Variants in THSD7B observed in about 807,000 individuals in gnomAD.
THSD7B encodes thrombospondin type-1 domain-containing protein 7B.
A neutral mutation model predicts 213.6 loss-of-function variants in THSD7B; 138 were observed. The ratio of observed to expected loss-of-function variants is 0.65; its 90% CI spans 0.56 to 0.74. The LOEUF is 0.74. Ranked by LOEUF, THSD7B falls within the 30% of genes least tolerant of loss-of-function variation. The pLI, the probability that THSD7B is intolerant of heterozygous loss-of-function variation, is 0.00. For synonymous variants in THSD7B, 742 were observed against 687.0 expected, an observed-to-expected ratio of 1.08 and a Z score of -1.25; for missense variants, 1,931 against 1,991.5, an observed-to-expected ratio of 0.97 and a Z score of 0.58.
chr2:137,110,038 C>A (rs1175908587), intron 4 of THSD7B, among the ~76,000 whole-genome samples: 1 of 152,108 alleles, frequency 6.6e-6, no homozygotes, highest in Non-Finnish European at 1.5e-5. Context: ...CACCACTTGC[C>A]CAACATCCTT....
intron 12 of THSD7B, among the ~76,000 whole-genome samples, chr2:137,287,882 C>T (rs1683222374): frequency 6.6e-6 from 1 of 151,966 alleles, no homozygotes; most frequent in Non-Finnish European, 1.5e-5. Context: ...AACTATCTTC[C>T]CTTCAGGAAT....
intron 2 of THSD7B, among the ~76,000 whole-genome samples, chr2:136,883,120 A>T (rs1683652952): frequency 6.6e-6 from 1 of 152,084 alleles, no homozygotes; most frequent in Admixed American, 6.6e-5. Flanking sequence ...CCATTCTTTC[A>T]AATACTGATA....
intron 12 of THSD7B, among the ~76,000 whole-genome samples, chr2:137,390,441 T>A (rs1001609713): frequency 1.3e-5 from 2 of 152,178 alleles, no homozygotes; most frequent in African/African-American, 4.8e-5. Flanking sequence ...TTAAATGGAA[T>A]CTTTATGTTT....
chr2:137,051,834 G>A (rs1309669888), intron 2 of THSD7B, among the ~76,000 whole-genome samples: 1 of 152,100 alleles, frequency 6.6e-6, no homozygotes, highest in Non-Finnish European at 1.5e-5. Context: ...TTTGTCCTCT[G>A]GAGCCTCCTT....
intron 10 of THSD7B, among the ~76,000 whole-genome samples, chr2:137,262,236 T>A (rs16838500): frequency 0.027 from 4,113 of 152,296 alleles, 108 homozygotes; most frequent in Middle Eastern, 0.095. Flanking sequence ...ATGCCTAATA[T>A]TGGTGACAGC....
chr2:137,064,432 A>T (rs1687338264), intron 3 of THSD7B, among the ~76,000 whole-genome samples: 1 of 152,022 alleles, frequency 6.6e-6, no homozygotes, highest in Admixed American at 6.6e-5. Context: ...GGTAGTTTGC[A>T]AAAAATTTCT....
At chr2:137,220,210 A>AGT (rs1681337865) in intron 7 of THSD7B, among the ~76,000 whole-genome samples, 1 of 145,092 alleles carries the variant, frequency 6.9e-6, no homozygotes, top group South Asian at 2.3e-4. Context: ...CAAAATTAAA[A>AGT]CTTTCTCTGC....
At chr2:137,625,408 G>GTA in intron 20 of THSD7B, among the ~76,000 whole-genome samples, 1 of 151,568 alleles carries the variant, frequency 6.6e-6, no homozygotes, top group Non-Finnish European at 1.5e-5. Flanking sequence ...ACACCAACAT[G>GTA]ACACATGTAT....
intron 1 of THSD7B, among the ~76,000 whole-genome samples, chr2:136,840,957 A>G (rs932694628): frequency 6.6e-6 from 1 of 152,146 alleles, no homozygotes. Context: ...GGTGCTACCA[A>G]AGGAGAGGGA....
In THSD7B at chr2:136,825,718, A is replaced by ATTTTTTTTTTTTTTTTTTTTTTTTTT. The variant is rs55814718; in HGVS notation, c.-35-56410_-35-56409insTTTTTTTTTTTTTTTTTTTTTTTTTT. ...AGGTGCTCACTGCCATGCCTGGCTA[A>ATTTTTTTTTTTTTTTTTTTTTTTTTT]TTTTTTTTTTTTTTTTAGATCTGGG... is the stretch of plus-strand genomic sequence containing the variant. On this transcript the variant is annotated intron_variant, in intron 1 of 27. Transcript: ENST00000409968. 2.1e-3 allele frequency among the ~76,000 whole-genome samples: 242 copies of ATTTTTTTTTTTTTTTTTTTTTTTTTT among 116,820 alleles called. 14 individuals are homozygous for ATTTTTTTTTTTTTTTTTTTTTTTTTT. Among genetic ancestry groups the ATTTTTTTTTTTTTTTTTTTTTTTTTT allele is most frequent in the African/African-American group, 7.1e-3 (213 of 29,828 alleles). 76.6% of individuals were successfully genotyped at this position (116,820 alleles called of 152,430 possible).
intron 2 of THSD7B, among the ~76,000 whole-genome samples, chr2:136,985,792 C>T (rs558892998): frequency 1.2e-3 from 182 of 152,328 alleles, no homozygotes; most frequent in Admixed American, 4.6e-3. Flanking sequence ...CTGGAAAAGC[C>T]ACAGCGTTGG....
intron 12 of THSD7B, among the ~76,000 whole-genome samples, chr2:137,287,932 T>C (rs1683223503): frequency 6.6e-6 from 1 of 152,136 alleles, no homozygotes; most frequent in Non-Finnish European, 1.5e-5. Flanking sequence ...ACTGTGTAAA[T>C]GTAATAAGAT....
chr2:137,539,856 G>A (rs1448915), intron 15 of THSD7B, among the ~76,000 whole-genome samples: 10,895 of 151,514 alleles, frequency 0.072, 442 homozygotes, highest in African/African-American at 0.085. Context: ...GGTTGAAGAT[G>A]GTGAGCACTG....
intron 15 of THSD7B, among the ~76,000 whole-genome samples, chr2:137,464,981 T>C (rs1687963848): frequency 6.6e-6 from 1 of 152,078 alleles, no homozygotes; most frequent in Non-Finnish European, 1.5e-5. Context: ...CCTTTGTGGA[T>C]GTTGAATCAA....
chr2:137,014,096 T>C (rs1357713486), intron 2 of THSD7B, among the ~76,000 whole-genome samples: 3 of 152,134 alleles, frequency 2.0e-5, no homozygotes, highest in Non-Finnish European at 4.4e-5. Flanking sequence ...CTTAATGTCA[T>C]CCTCTTTTGC....
Position 137,663,538 on chromosome 2 carries a change from T to C in THSD7B, c.4614T>C (p.Asp1538=), listed in dbSNP as rs767370681. 6 of 1,609,222 alleles carry C rather than the reference T, an allele frequency of 3.7e-6. No homozygotes were observed. In the African/African-American group the frequency reaches 6.7e-5, roughly 18 times the overall value. ...KNRPVNSKIH[D]IFKGWSLQPL... ...GACCTGTGAATTCAAAAATACATGA[T>C]ATTTTTAAAGGATGGTCTCTTCAAC... The change falls in exon 26 of 28, where the codon GAT becomes GAC. Residue 1538 remains aspartate, a synonymous_variant. Coordinates refer to ENST00000409968, the MANE Select transcript of THSD7B (RefSeq NM_001316349.2).
intron 2 of THSD7B, among the ~76,000 whole-genome samples, chr2:136,938,434 A>G (rs1425599734): frequency 6.6e-6 from 1 of 152,150 alleles, no homozygotes; most frequent in Non-Finnish European, 1.5e-5. Context: ...TGTGCTTTGA[A>G]AACACTAAAA....
At chr2:137,372,821 A>G (rs1006879854) in intron 12 of THSD7B, among the ~76,000 whole-genome samples, 1 of 151,214 alleles carries the variant, frequency 6.6e-6, no homozygotes, top group Non-Finnish European at 1.5e-5. Context: ...AGCATTAGGT[A>G]AATCTCCTAA....
At chr2:137,154,909 T>C (rs1679886060) in intron 5 of THSD7B, among the ~76,000 whole-genome samples, 1 of 152,206 alleles carries the variant, frequency 6.6e-6, no homozygotes, top group Non-Finnish European at 1.5e-5. Flanking sequence ...TTTTTCCTCC[T>C]CTTAATTAAC....
Sources: allele counts gnomAD v4.1 joint callset (sites outside exome capture counted in the v4.1 genomes callset), GRCh38; gene constraint gnomAD v4.1.1; transcripts MANE v1.5; gene names NCBI Gene and HGNC (gene_info 2026-07-23, HGNC 2026-07-21).